RNF4: variants seen among roughly 807,000 people sequenced by gnomAD.
The protein encoded by RNF4 is ring finger protein 4.
In RNF4, 7 loss-of-function variants were observed where a neutral mutation model predicts 24.3. The ratio of observed to expected loss-of-function variants is 0.29; its 90% CI spans 0.16 to 0.54. RNF4 has a LOEUF of 0.54. Among genes scored for constraint, RNF4 ranks in the 20% least tolerant of loss-of-function variants. The pLI, the probability that RNF4 is intolerant of heterozygous loss-of-function variation, is 0.95. For missense variants in RNF4, 209 were observed against 248.5 expected, an observed-to-expected ratio of 0.84 and a Z score of 1.07; for synonymous variants, 83 against 84.3, an observed-to-expected ratio of 0.98 and a Z score of 0.09.
intron 1 of RNF4, among the ~76,000 whole-genome samples, chr4:2,479,555 T>A (rs1735185247): frequency 6.6e-6 from 1 of 152,166 alleles, no homozygotes; most frequent in African/African-American, 2.4e-5. Flanking sequence ...GGAGTTTCCG[T>A]GCACAAGCTC....
intron 2 of RNF4, among the ~76,000 whole-genome samples, chr4:2,492,937 G>T (rs1462275746): frequency 6.6e-6 from 1 of 152,202 alleles, no homozygotes; most frequent in Non-Finnish European, 1.5e-5. Context: ...TAAAATTCCT[G>T]AAAGTTACGG....
chr4:2,492,923 T>C (rs934526935), intron 2 of RNF4, among the ~76,000 whole-genome samples: 1 of 152,168 alleles, frequency 6.6e-6, no homozygotes, highest in Non-Finnish European at 1.5e-5. Context: ...GTGAAGAAAT[T>C]GGTTAAAATT....
chr4:2,473,841 C>G (rs1201240226), intron 1 of RNF4, among the ~76,000 whole-genome samples: 1 of 151,536 alleles, frequency 6.6e-6, no homozygotes, highest in Admixed American at 6.6e-5. Context: ...GAAGGCTGGG[C>G]CTGATGGATC....
intron 1 of RNF4, among the ~76,000 whole-genome samples, chr4:2,484,061 A>G (rs1255118093): frequency 8.4e-5 from 1 of 11,860 alleles, no homozygotes; most frequent in African/African-American, 3.2e-4. Flanking sequence ...TCCTGGCCTC[A>G]GGTGATCCCC....
chr4:2,511,013 C>T (rs1736257019), intron 4 of RNF4, among the ~76,000 whole-genome samples: 1 of 152,224 alleles, frequency 6.6e-6, no homozygotes, highest in African/African-American at 2.4e-5. Context: ...TTGTAACAAC[C>T]TACTGAGCAA....
At chr4:2,474,317 G>T (rs1047179783) in intron 1 of RNF4, among the ~76,000 whole-genome samples, 8 of 150,744 alleles carry the variant, frequency 5.3e-5, no homozygotes, top group Admixed American at 4.0e-4. Flanking sequence ...GGCAGAGGTT[G>T]CAGCGAGCCG....
At position 2,501,641 on chromosome 4, in the gene RNF4, T is replaced by C. The variant is rs1247508979; in HGVS notation, c.204+903T>C. 2.0e-5 allele frequency among the ~76,000 whole-genome samples: 3 copies of C among 152,092 alleles called. No individual in the cohort carries two copies. In the East Asian group the frequency reaches 5.8e-4, roughly 29 times the overall value. ...TTGCCTCTGGAAGATGCCACTTGAGTGTTTTCTGACAGTGTGCTCGGAACA... is the reference window on the plus strand; with the variant it reads ...TTGCCTCTGGAAGATGCCACTTGAGCGTTTTCTGACAGTGTGCTCGGAACA... On this transcript the variant is annotated intron_variant, in intron 4 of 7. Coordinates refer to ENST00000314289, the MANE Select transcript of RNF4 (RefSeq NM_002938.5).
At chr4:2,491,765 A>C (rs1099785) in intron 2 of RNF4, among the ~76,000 whole-genome samples, 29,531 of 151,460 alleles carry the variant, frequency 0.19, 3,378 homozygotes, top group Middle Eastern at 0.31. Flanking sequence ...ACAGGGTCTC[A>C]CTCAGTCTCC....
intron 1 of RNF4, among the ~76,000 whole-genome samples, chr4:2,473,333 G>A (rs577504246): frequency 2.6e-5 from 4 of 152,102 alleles, no homozygotes; most frequent in South Asian, 2.1e-4. Context: ...GCAGTGAGCC[G>A]AGATTGTGCC....
chr4:2,505,947 C>G (rs567213946), intron 4 of RNF4: 1 of 151,578 alleles, frequency 6.6e-6, no homozygotes, highest in South Asian at 2.1e-4. Flanking sequence ...AGTGATCCAC[C>G]CGGGTGGTCT....
At chr4:2,496,769 T>C (rs570678687) in intron 2 of RNF4, among the ~76,000 whole-genome samples, 2 of 152,320 alleles carry the variant, frequency 1.3e-5, no homozygotes, top group Middle Eastern at 3.4e-3. Flanking sequence ...GACCTGCTGA[T>C]AGTTTGATAA....
chr4:2,495,724 C>T (rs532704659), intron 2 of RNF4, among the ~76,000 whole-genome samples: 1 of 152,268 alleles, frequency 6.6e-6, no homozygotes, highest in South Asian at 2.1e-4. Flanking sequence ...CCTCCACCTC[C>T]CAGGTTCAAG....
chr4:2,505,531 T>C (rs182997677), intron 4 of RNF4: 9 of 150,236 alleles, frequency 6.0e-5, no homozygotes, highest in East Asian at 3.9e-4. Context: ...TTCACCATGT[T>C]AGCCAGGATG....
intron 4 of RNF4, among the ~76,000 whole-genome samples, chr4:2,501,530 G>C (rs1012992646): frequency 6.6e-6 from 1 of 152,248 alleles, no homozygotes; most frequent in African/African-American, 2.4e-5. Flanking sequence ...TGTCTGGTCA[G>C]AGGACACACG....
chr4:2,504,743 T>TTTTTTTTTTTA (rs1736022306), intron 4 of RNF4, among the ~76,000 whole-genome samples: 1 of 139,864 alleles, frequency 7.1e-6, no homozygotes, highest in African/African-American at 2.7e-5. Flanking sequence ...TTTTTTTTTT[T>TTTTTTTTTTTA]TTTTGAGACA....
intron 1 of RNF4, among the ~76,000 whole-genome samples, chr4:2,482,535 A>G (rs1208028377): frequency 6.6e-6 from 1 of 152,134 alleles, no homozygotes. Flanking sequence ...GCTCCCAGAA[A>G]TTACCTTGTT....
In RNF4 at chr4:2,512,035, GCAGGTCTTGCCAGAC is replaced by G. The variant is rs1363936183; in HGVS notation, c.214+73_214+87del. 1.4e-6 allele frequency: 2 copies of G among 1,470,282 alleles called. No homozygotes were observed. The highest frequency in any genetic ancestry group is 2.4e-5 in the South Asian group (2 of 83,278). 91.1% of individuals were successfully genotyped at this position (1,470,282 alleles called of 1,614,324 possible). On this transcript the variant is annotated intron_variant, in intron 5 of 7. Coordinates refer to ENST00000314289, the MANE Select transcript of RNF4 (RefSeq NM_002938.5). This position sits in a 1 kb window ranked among gnomAD's most constrained non-coding sequence, Gnocchi z 4.1. ...TGGCATAGGTGAGAGCCGCGGTGCT[GCAGGTCTTGCCAGAC>G]CATCCCCAAGGGCTTGGAGCGCTCC...
At chr4:2,513,254 C>A (rs879218057) in intron 7 of RNF4, 123 bp downstream of exon 7, 4 of 911,240 alleles carry the variant, frequency 4.4e-6, no homozygotes, top group African/African-American at 3.3e-5. Flanking sequence ...ATGCCTGGGC[C>A]GTCACTTATT....
intron 1 of RNF4, among the ~76,000 whole-genome samples, chr4:2,478,494 G>A (rs1467256187): frequency 6.6e-6 from 1 of 152,228 alleles, no homozygotes; most frequent in Non-Finnish European, 1.5e-5. Flanking sequence ...GCTGGGCCCA[G>A]GGTTCCCCTG....
Sources: gnomAD v4.1 joint callset for allele counts (sites outside exome capture counted in the v4.1 genomes callset) on GRCh38, gnomAD v4.1.1 for gene constraint, Gnocchi (gnomAD v3.1) non-coding constraint, MANE v1.5 for transcripts, NCBI Gene and HGNC (gene_info 2026-07-23, HGNC 2026-07-21) for gene names.